Variants in LIFR observed in about 807,000 individuals in gnomAD.
The protein encoded by LIFR is leukemia inhibitory factor receptor.
Under a neutral mutation model 122.2 loss-of-function variants are expected in LIFR, and 84 were observed. The ratio of observed to expected loss-of-function variants is 0.69; its 90% CI spans 0.58 to 0.82. The LOEUF is 0.82. LIFR is among the 40% of genes least tolerant of loss of function. The probability of loss-of-function intolerance (pLI) is 0.00; values close to 1 mark genes in which losing one functional copy is unlikely to be tolerated. For synonymous variants in LIFR, 422 were observed against 434.7 expected (o/e 0.97, Z 0.36); for missense variants, 1,294 against 1,311.6 (o/e 0.99, Z 0.21).
chr5:38,493,037 G>A (rs890699201), intron 14 of LIFR, among the ~76,000 whole-genome samples: 2 of 152,238 alleles, frequency 1.3e-5, no homozygotes, highest in Admixed American at 1.3e-4. Flanking sequence ...CTCATGGAAC[G>A]CAAGGCCTCC....
rs986649666 is a variant in LIFR, at chr5:38,481,295, G to A, written c.*300C>T. ...GCGGCGGGATTTGTTTTACATGTAC[G>A]TACAAGTAGGTATTAGCCTTGAAAT... On this transcript the variant is annotated 3_prime_UTR_variant, in exon 20 of 20. Transcript: ENST00000453190. 5 of 452,642 alleles carry A rather than the reference G, an allele frequency of 1.1e-5. No homozygotes were observed. Among genetic ancestry groups the A allele is most frequent in the South Asian group, 2.7e-5 (1 of 36,996 alleles). 28.0% of individuals were successfully genotyped at this position (452,642 alleles called of 1,614,324 possible). A position where few individuals can be genotyped will look rare whatever the true frequency, so the allele number is the denominator to read the frequency against.
At chr5:38,586,242 G>T (rs1424436346) in intron 1 of LIFR, among the ~76,000 whole-genome samples, 1 of 152,088 alleles carries the variant, frequency 6.6e-6, no homozygotes. Context: ...TTATGGCCTC[G>T]TTCCTTTAAC....
rs1561179800 is a variant in LIFR, at chr5:38,528,789, C to T, written c.194G>A (p.Cys65Tyr). 6.3e-7 allele frequency: 1 copy of T among 1,595,554 alleles called. No homozygotes were observed. The highest frequency in any genetic ancestry group is 1.7e-5 in the Admixed American group (1 of 58,228). ...CVTNNLQVWN[C>Y]SWKAPSGTGR... The stretch of plus-strand genomic sequence containing the variant: ...TGTTCCAGAGGGTGCTTTCCAAGAA[C>T]AGTTCCACACTTGCAAATTGTTAGT... Residue 65 changes from cysteine to tyrosine, a missense_variant, in exon 3 of 20, where the codon TGT becomes TAT. Transcript: ENST00000453190.
chr5:38,522,876 G>A (rs1035636344), intron 5 of LIFR, among the ~76,000 whole-genome samples: 1 of 152,154 alleles, frequency 6.6e-6, no homozygotes, highest in African/African-American at 2.4e-5. Flanking sequence ...GTAAAAGGCT[G>A]AAAGGGAGCA....
chr5:38,546,253 C>T (rs183489020), intron 1 of LIFR, among the ~76,000 whole-genome samples: 4 of 152,154 alleles, frequency 2.6e-5, no homozygotes, highest in Admixed American at 6.5e-5. Context: ...AACATATATA[C>T]GCCATTACAT....
intron 1 of LIFR, among the ~76,000 whole-genome samples, chr5:38,568,855 A>G (rs1023390276): frequency 1.3e-5 from 2 of 152,220 alleles, no homozygotes; most frequent in African/African-American, 4.8e-5. Context: ...TAGTTTGTCA[A>G]AGAGAAGGAA....
chr5:38,520,254 C>CAT (rs1746330472), intron 5 of LIFR, among the ~76,000 whole-genome samples: 2 of 152,106 alleles, frequency 1.3e-5, no homozygotes, highest in South Asian at 4.1e-4. Flanking sequence ...ACCTGTTGTC[C>CAT]ATATGTCTTC....
intron 17 of LIFR, 101 bp downstream of exon 17, chr5:38,485,718 T>C (rs1744247827): frequency 7.4e-7 from 1 of 1,358,828 alleles, no homozygotes; most frequent in Admixed American, 1.8e-5. Context: ...AATGTGAATG[T>C]TTTTTAGAAA....
chr5:38,547,069 A>T (rs932262314), intron 1 of LIFR, among the ~76,000 whole-genome samples: 1 of 152,158 alleles, frequency 6.6e-6, no homozygotes, highest in Non-Finnish European at 1.5e-5. Flanking sequence ...AACACCCCCA[A>T]AAGAAAGCTA....
rs1745255499 is a variant in LIFR, at chr5:38,502,757, C to G, written c.1480G>C (p.Val494Leu). The G allele has an allele frequency of 6.2e-7, 1 of 1,610,034 alleles. No individual in the cohort carries two copies. Among genetic ancestry groups the G allele is most frequent in the South Asian group, 1.1e-5 (1 of 90,822 alleles). ...TATGGATTTAACTTGTCCAGAGCAA[C>G]AAGATAACTTGAATTTTCTACTCCT... is the stretch of plus-strand genomic sequence containing the variant. ...IKGVENSSYL[V>L]ALDKLNPYTL... The change falls in exon 11 of 20, where the codon GTT becomes CTT. Residue 494 changes from valine to leucine, a missense_variant. By Grantham distance (32) the Val-to-Leu change is conservative. Transcript: ENST00000453190.
chr5:38,508,578 T>A (rs1285443952), intron 7 of LIFR, among the ~76,000 whole-genome samples: 1 of 151,404 alleles, frequency 6.6e-6, no homozygotes, highest in Admixed American at 6.6e-5. Flanking sequence ...ATAAATTTCT[T>A]TTTCTTTTTT....
At chr5:38,550,685 T>C (rs944078848) in intron 1 of LIFR, among the ~76,000 whole-genome samples, 1 of 152,230 alleles carries the variant, frequency 6.6e-6, no homozygotes, top group Admixed American at 6.5e-5. Context: ...CTAGGCACTG[T>C]TCTAATGCTA....
At position 38,510,716 on chromosome 5, in the gene LIFR, T is replaced by A. The variant is rs750343791; in HGVS notation, c.739A>T (p.Ile247Leu). The A allele has an allele frequency of 1.2e-6, 2 of 1,609,380 alleles. No homozygotes were observed. Among genetic ancestry groups the A allele is most frequent in the South Asian group, 1.1e-5 (1 of 90,880 alleles). Residue 247 changes from isoleucine to leucine, a missense_variant and splice_region_variant, in exon 7 of 20, where the codon ATA becomes TTA. Transcript: ENST00000453190. ...AAAACCTTAGTCTGAGAATCAGGTA[T>A]CCCTAGAAAGAAAAAGAGGAATTAT... ...DWSPVKNISW[I>L]PDSQTKVFPQ...
intron 7 of LIFR, among the ~76,000 whole-genome samples, chr5:38,509,164 C>G (rs750510103): frequency 2.0e-5 from 3 of 152,122 alleles, no homozygotes; most frequent in Non-Finnish European, 4.4e-5. Flanking sequence ...AAACAGTGCA[C>G]AGTCTCATTT....
In LIFR at chr5:38,475,376, G is replaced by A. The variant is rs2112329054; in HGVS notation, c.*6219C>T. 5.1e-6 allele frequency: 1 copy of A among 194,616 alleles called. No homozygotes were observed. Among genetic ancestry groups the A allele is most frequent in the East Asian group, 8.2e-5 (1 of 12,158 alleles). 12.1% of individuals were successfully genotyped at this position (194,616 alleles called of 1,614,324 possible). A position where few individuals can be genotyped will look rare whatever the true frequency, so the allele number is the denominator to read the frequency against. ...TCTTCCTGTATAAGTGTATTGAAATGTTTCCTTATACGATTAAACATGATT... is the reference window on the plus strand; with the variant it reads ...TCTTCCTGTATAAGTGTATTGAAATATTTCCTTATACGATTAAACATGATT... On this transcript the variant is annotated 3_prime_UTR_variant, in exon 20 of 20. Transcript: ENST00000453190.
At chr5:38,589,286 A>T (rs997391508) in intron 1 of LIFR, among the ~76,000 whole-genome samples, 5 of 152,074 alleles carry the variant, frequency 3.3e-5, no homozygotes, top group African/African-American at 1.2e-4. Context: ...GCCTCCTTTA[A>T]GTGTAGGGCT....
chr5:38,512,018 T>C, intron 5 of LIFR, 54 bp from the exon 6 acceptor site: 1 of 1,566,456 alleles, frequency 6.4e-7, no homozygotes, highest in Non-Finnish European at 8.8e-7. Flanking sequence ...TATGTTTTGC[T>C]TTCCTTTAGA....
intron 1 of LIFR, among the ~76,000 whole-genome samples, chr5:38,565,279 A>G (rs1416081264): frequency 6.6e-6 from 1 of 152,218 alleles, no homozygotes; most frequent in Non-Finnish European, 1.5e-5. Context: ...TGCAAGTGGT[A>G]GAAATACAGC....
intron 1 of LIFR, among the ~76,000 whole-genome samples, chr5:38,534,037 C>A (rs974630696): frequency 3.3e-5 from 5 of 152,192 alleles, no homozygotes; most frequent in Non-Finnish European, 5.9e-5. Flanking sequence ...GTGGGTCACC[C>A]ATCCACAGGA....
Sources: allele counts gnomAD v4.1 joint callset (sites outside exome capture counted in the v4.1 genomes callset), GRCh38; gene constraint gnomAD v4.1.1; transcripts MANE v1.5; gene names NCBI Gene and HGNC (gene_info 2026-07-23, HGNC 2026-07-21).